Variants in ACER3 observed in about 807,000 individuals in gnomAD.
The protein encoded by ACER3 is alkCDase 3.
ACER3 carries 16 observed loss-of-function variants against 48.9 expected under a neutral mutation model. The ratio of observed to expected loss-of-function variants is 0.33; its 90% CI spans 0.22 to 0.50. The LOEUF (loss-of-function observed/expected upper bound fraction) is 0.50, where lower values mean the gene tolerates loss of function less well. Among genes scored for constraint, ACER3 ranks in the 20% least tolerant of loss-of-function variants. The probability of loss-of-function intolerance (pLI) is 0.98; values close to 1 mark genes in which losing one functional copy is unlikely to be tolerated. For synonymous variants in ACER3, 109 were observed against 107.8 expected (o/e 1.01, Z -0.07); for missense variants, 227 against 326.0 (o/e 0.70, Z 2.34).
chr11:76,868,356 A>C, intron 1 of ACER3: 1 of 1,132,942 alleles, frequency 8.8e-7, no homozygotes, highest in Middle Eastern at 2.7e-4. Context: ...TTGAGTGTAC[A>C]AAAGAGTTTA....
chr11:76,912,489 A>G (rs1161176656), intron 1 of ACER3, among the ~76,000 whole-genome samples: 1 of 152,312 alleles, frequency 6.6e-6, no homozygotes, highest in East Asian at 1.9e-4. Context: ...TAACATAACT[A>G]TCTGCCAATA....
chr11:76,960,859 T>C (rs1947973984), intron 3 of ACER3, among the ~76,000 whole-genome samples: 1 of 151,822 alleles, frequency 6.6e-6, no homozygotes, highest in Admixed American at 6.6e-5. Flanking sequence ...CCTCCCAAGT[T>C]GGGGGGGTCA....
chr11:76,956,286 A>G (rs540984042), intron 2 of ACER3, among the ~76,000 whole-genome samples: 3 of 152,218 alleles, frequency 2.0e-5, no homozygotes, highest in South Asian at 2.1e-4. Flanking sequence ...ATGCTGTTCT[A>G]TTACATGTTT....
chr11:76,979,580 G>A (rs1948532633), intron 4 of ACER3, among the ~76,000 whole-genome samples: 1 of 152,118 alleles, frequency 6.6e-6, no homozygotes, highest in Non-Finnish European at 1.5e-5. Flanking sequence ...TTGAACCCAG[G>A]AGGCAGAAGC....
In ACER3 at chr11:77,000,422, A is replaced by G. The variant is rs142773979; in HGVS notation, c.497+1601A>G. ...CAATGAGCAAACATTTTTAATTTCA[A>G]TGAGGTCAAATTTATCAGTTTTATG... On this transcript the variant is annotated intron_variant, in intron 7 of 10. Coordinates refer to ENST00000532485, the MANE Select transcript of ACER3 (RefSeq NM_018367.7). Among the ~76,000 whole-genome samples, 145 of 152,290 alleles carry G rather than the reference A, an allele frequency of 9.5e-4. 1 individual carries two copies. The East Asian group carries it at 0.018, about 19-fold the overall frequency.
intron 1 of ACER3, among the ~76,000 whole-genome samples, chr11:76,897,545 A>G (rs527896133): frequency 6.6e-6 from 1 of 151,214 alleles, no homozygotes; most frequent in African/African-American, 2.4e-5. Context: ...TTTATGTAAT[A>G]TTAAAAAAAA....
At chr11:76,861,869 G>A (rs1487416613) in intron 1 of ACER3, among the ~76,000 whole-genome samples, 1 of 152,198 alleles carries the variant, frequency 6.6e-6, no homozygotes, top group Non-Finnish European at 1.5e-5. Flanking sequence ...TGCACCTTCT[G>A]AGGATTTAAG....
chr11:76,982,249 G>T (rs536787295), intron 4 of ACER3, among the ~76,000 whole-genome samples: 1 of 136,392 alleles, frequency 7.3e-6, no homozygotes. Context: ...ACAGAGTCTC[G>T]CTCTGTCGCC....
intron 3 of ACER3, among the ~76,000 whole-genome samples, chr11:76,968,157 CAG>C (rs1229727546): frequency 4.0e-4 from 60 of 151,684 alleles, no homozygotes; most frequent in Admixed American, 3.9e-3. Flanking sequence ...AACAGACAAA[CAG>C]AGAGCCAAAT....
intron 1 of ACER3, among the ~76,000 whole-genome samples, chr11:76,914,807 C>T (rs1321427412): frequency 6.6e-6 from 1 of 152,202 alleles, no homozygotes; most frequent in East Asian, 1.9e-4. Context: ...AGATGTCCAT[C>T]AATGATAGAA....
At chr11:76,965,013 A>G (rs1948101216) in intron 3 of ACER3, among the ~76,000 whole-genome samples, 1 of 151,286 alleles carries the variant, frequency 6.6e-6, no homozygotes, top group African/African-American at 2.5e-5. Context: ...AACTACTCCA[A>G]GCTAAAGGAG....
intron 1 of ACER3, among the ~76,000 whole-genome samples, chr11:76,872,905 CTTTTTCTTTTT>C (rs1235426441): frequency 2.1e-4 from 20 of 94,574 alleles, no homozygotes; most frequent in African/African-American, 6.3e-4. Context: ...TTTCTTTTTT[CTTTTTCTTTTT>C]TTTTTTTTTT....
chr11:76,891,426 A>G (rs998789094), intron 1 of ACER3, among the ~76,000 whole-genome samples: 1 of 152,090 alleles, frequency 6.6e-6, no homozygotes, highest in African/African-American at 2.4e-5. Context: ...TGACCAAGGC[A>G]GGACTCTAAT....
chr11:76,914,830 A>T (rs1292726871), intron 1 of ACER3, among the ~76,000 whole-genome samples: 2 of 152,248 alleles, frequency 1.3e-5, no homozygotes, highest in African/African-American at 4.8e-5. Context: ...GATTAAGAAA[A>T]TGTGGCACAT....
At chr11:76,948,975 C>T (rs10431154) in intron 2 of ACER3, among the ~76,000 whole-genome samples, 86,843 of 152,048 alleles carry the variant, frequency 0.57, 27,998 homozygotes, top group Non-Finnish European at 0.74. Flanking sequence ...TTAAGCAGCT[C>T]TCTAAAGTTA....
At chr11:76,887,153 G>A (rs541990689) in intron 1 of ACER3, among the ~76,000 whole-genome samples, 8 of 152,222 alleles carry the variant, frequency 5.3e-5, no homozygotes, top group Non-Finnish European at 1.2e-4. Flanking sequence ...CTAGCTACTT[G>A]GGAGGCTGAG....
intron 7 of ACER3, among the ~76,000 whole-genome samples, chr11:77,010,272 C>T (rs1218679633): frequency 6.6e-6 from 1 of 151,634 alleles, no homozygotes; most frequent in African/African-American, 2.4e-5. Context: ...TACTTGAGCC[C>T]TGGAGCTTGA....
chr11:76,882,815 A>G (rs1015859268), intron 1 of ACER3, among the ~76,000 whole-genome samples: 14 of 152,148 alleles, frequency 9.2e-5, no homozygotes, highest in Non-Finnish European at 1.8e-4. Flanking sequence ...CTTGAACTGT[A>G]TGTACACTCT....
chr11:76,961,329 T>C (rs949111720), intron 3 of ACER3, among the ~76,000 whole-genome samples: 1 of 152,122 alleles, frequency 6.6e-6, no homozygotes, highest in African/African-American at 2.4e-5. Context: ...TAAATATAGA[T>C]GTGAAAATAT....
Sources: gnomAD v4.1 joint callset for allele counts (sites outside exome capture counted in the v4.1 genomes callset) on GRCh38, gnomAD v4.1.1 for gene constraint, MANE v1.5 for transcripts, NCBI Gene and HGNC (gene_info 2026-07-23, HGNC 2026-07-21) for gene names.